Variants in NKAIN3 observed in about 807,000 individuals in gnomAD.
The protein encoded by NKAIN3 is sodium/potassium-transporting ATPase subunit beta-1-interacting protein 3.
NKAIN3 carries 25 observed loss-of-function variants against 30.2 expected under a neutral mutation model. The ratio of observed to expected loss-of-function variants is 0.83; its 90% CI spans 0.60 to 1.16. The LOEUF is 1.16. Ranked by LOEUF, NKAIN3 falls within the 50% of genes most tolerant of loss-of-function variation. NKAIN3 has a pLI of 0.00. For missense variants in NKAIN3, 225 were observed against 254.1 expected (o/e 0.89, Z 0.78); for synonymous variants, 91 against 89.6 (o/e 1.02, Z -0.09).
At chr8:62,898,873 A>G (rs1821517509) in intron 4 of NKAIN3, among the ~76,000 whole-genome samples, 1 of 152,166 alleles carries the variant, frequency 6.6e-6, no homozygotes, top group Non-Finnish European at 1.5e-5. Flanking sequence ...GAGCTCAAGC[A>G]ACTCTATAGG....
chr8:62,324,792 C>A (rs1352883427), intron 1 of NKAIN3, among the ~76,000 whole-genome samples: 1 of 151,994 alleles, frequency 6.6e-6, no homozygotes, highest in African/African-American at 2.4e-5. Context: ...AGTATCCTAC[C>A]CGTGAGAATG....
At chr8:62,615,600 A>G (rs1251974346) in intron 3 of NKAIN3, among the ~76,000 whole-genome samples, 2 of 152,146 alleles carry the variant, frequency 1.3e-5, no homozygotes, top group Non-Finnish European at 2.9e-5. Context: ...ACTTGTAGAC[A>G]CAGAGTGTAG....
intron 3 of NKAIN3, among the ~76,000 whole-genome samples, chr8:62,723,735 T>G (rs186907166): frequency 6.6e-5 from 10 of 152,254 alleles, no homozygotes; most frequent in Admixed American, 5.9e-4. Context: ...GGTGTTCAAA[T>G]TCTTTGAAGC....
intron 1 of NKAIN3, among the ~76,000 whole-genome samples, chr8:62,563,797 T>C (rs1259541386): frequency 6.6e-6 from 1 of 152,186 alleles, no homozygotes; most frequent in Non-Finnish European, 1.5e-5. Flanking sequence ...TTGTTTGAGT[T>C]ATTCTAATTA....
At chr8:62,990,314 T>A (rs1824295424) in intron 5 of NKAIN3, 1 of 1,393,542 alleles carries the variant, frequency 7.2e-7, no homozygotes, top group African/African-American at 1.5e-5. Context: ...ATGCATTATT[T>A]TAGAGTGTCA....
chr8:62,338,227 C>T (rs1341174811), intron 1 of NKAIN3, among the ~76,000 whole-genome samples: 5 of 151,280 alleles, frequency 3.3e-5, no homozygotes, highest in South Asian at 4.2e-4. Flanking sequence ...TAATTTTTCT[C>T]GTTTGTTTAG....
chr8:62,794,864 C>T (rs559076448), intron 4 of NKAIN3, among the ~76,000 whole-genome samples: 1 of 152,262 alleles, frequency 6.6e-6, no homozygotes, highest in South Asian at 2.1e-4. Context: ...CACTAGCTGT[C>T]TCTTGGCTCC....
At chr8:62,691,651 G>A (rs973009067) in intron 3 of NKAIN3, among the ~76,000 whole-genome samples, 1 of 152,066 alleles carries the variant, frequency 6.6e-6, no homozygotes, top group African/African-American at 2.4e-5. Context: ...GCATGTTCTG[G>A]GTTCTGTCTT....
chr8:62,390,945 C>G (rs1817568297), intron 1 of NKAIN3, among the ~76,000 whole-genome samples: 1 of 152,154 alleles, frequency 6.6e-6, no homozygotes, highest in Non-Finnish European at 1.5e-5. Flanking sequence ...GATATTAGAA[C>G]TTTGTCAGAT....
chr8:62,462,095 CTCA>C (rs1585835245), intron 1 of NKAIN3, among the ~76,000 whole-genome samples: 12 of 152,214 alleles, frequency 7.9e-5, no homozygotes, highest in East Asian at 5.8e-4. Flanking sequence ...AAGATGGCTT[CTCA>C]TGGACAAAGA....
At chr8:62,927,607 A>G (rs960444769) in intron 5 of NKAIN3, among the ~76,000 whole-genome samples, 2 of 152,184 alleles carry the variant, frequency 1.3e-5, no homozygotes, top group Non-Finnish European at 2.9e-5. Context: ...AACTATGTAC[A>G]TCTATTATGC....
rs546153424 is a variant in NKAIN3, at chr8:62,791,293, G to C, written c.471+44164G>C. Reference sequence around the variant, plus strand: ...CAGCTCTTAGTGTATGACTGGACATGGGGAAGTGGAAGAAAAAGGAAAAAA... The same window carrying C: ...CAGCTCTTAGTGTATGACTGGACATCGGGAAGTGGAAGAAAAAGGAAAAAA... On this transcript the variant is annotated intron_variant, in intron 4 of 6. Coordinates refer to ENST00000623646, the MANE Select transcript of NKAIN3 (RefSeq NM_001304533.3). 2.6e-5 allele frequency among the ~76,000 whole-genome samples: 4 copies of C among 152,198 alleles called. No individual in the cohort carries two copies. In the East Asian group the frequency reaches 7.7e-4, roughly 29 times the overall value.
At chr8:62,897,214 A>C (rs1046529103) in intron 4 of NKAIN3, among the ~76,000 whole-genome samples, 4 of 152,192 alleles carry the variant, frequency 2.6e-5, no homozygotes, top group African/African-American at 9.6e-5. Context: ...GTAGACACAA[A>C]ATACAATCAG....
chr8:62,534,598 T>C (rs569727229), intron 1 of NKAIN3, among the ~76,000 whole-genome samples: 1 of 152,310 alleles, frequency 6.6e-6, no homozygotes, highest in South Asian at 2.1e-4. Flanking sequence ...TACTTCAGCA[T>C]GCAGCCAAAG....
chr8:62,306,662 G>T (rs1367623998), intron 1 of NKAIN3, among the ~76,000 whole-genome samples: 1 of 149,124 alleles, frequency 6.7e-6, no homozygotes, highest in Non-Finnish European at 1.5e-5. Context: ...GAGTCAGAAG[G>T]TCAAATTTTG....
chr8:62,849,723 C>T (rs764557366), intron 4 of NKAIN3, among the ~76,000 whole-genome samples: 10 of 149,782 alleles, frequency 6.7e-5, no homozygotes, highest in South Asian at 2.1e-4. Flanking sequence ...TTTGTCCTTC[C>T]GATAGTTTGC....
intron 1 of NKAIN3, among the ~76,000 whole-genome samples, chr8:62,456,306 G>A (rs1374717817): frequency 6.6e-6 from 1 of 152,120 alleles, no homozygotes; most frequent in East Asian, 1.9e-4. Context: ...CGGATCACGA[G>A]GTCAGGAGAT....
At chr8:62,891,526 C>T (rs117661840) in intron 4 of NKAIN3, among the ~76,000 whole-genome samples, 6,628 of 152,136 alleles carry the variant, frequency 0.044, 218 homozygotes, top group Non-Finnish European at 0.065. Flanking sequence ...TAATAAACTC[C>T]CCTTCATATA....
Position 62,973,007 on chromosome 8 carries a change from T to C in NKAIN3, c.*7600T>C, listed in dbSNP as rs532895105. Among the ~76,000 whole-genome samples, 2 of 152,052 alleles carry C rather than the reference T, an allele frequency of 1.3e-5. No homozygotes were observed. Among genetic ancestry groups the C allele is most frequent in the African/African-American group, 4.8e-5 (2 of 41,420 alleles). On this transcript the variant is annotated 3_prime_UTR_variant, in exon 7 of 7. Coordinates refer to ENST00000623646, the MANE Select transcript of NKAIN3 (RefSeq NM_001304533.3). ...TGTCCCTGCAAAGGACATTAACTCA[T>C]TTTTTATGGCTGCATAGTATTCCAT...
Sources: allele counts gnomAD v4.1 joint callset (sites outside exome capture counted in the v4.1 genomes callset), GRCh38; gene constraint gnomAD v4.1.1; transcripts MANE v1.5; gene names NCBI Gene and HGNC (gene_info 2026-07-23, HGNC 2026-07-21).